SLC6A5: variants seen among roughly 807,000 people sequenced by gnomAD.
The protein encoded by SLC6A5 is sodium- and chloride-dependent glycine transporter 2.
In SLC6A5, 58 loss-of-function variants were observed where a neutral mutation model predicts 90.5. The observed-to-expected ratio is 0.64, with a 90% CI of 0.52 to 0.80. The LOEUF (loss-of-function observed/expected upper bound fraction) is 0.80. Among genes scored for constraint, SLC6A5 ranks in the 30% least tolerant of loss-of-function variants. The probability of loss-of-function intolerance (pLI) is 0.00; values close to 1 mark genes in which losing one functional copy is unlikely to be tolerated. For synonymous variants in SLC6A5, 427 were observed against 401.4 expected (o/e 1.06, Z -0.76); for missense variants, 1,015 against 1,017.6 (o/e 1.00, Z 0.03).
At chr11:20,645,635 GTTTTTTTTTT>G (rs150652189) in intron 13 of SLC6A5, among the ~76,000 whole-genome samples, 1 of 94,712 alleles carries the variant, frequency 1.1e-5, no homozygotes, top group Non-Finnish European at 2.1e-5. Flanking sequence ...ATGATGAAGT[GTTTTTTTTTT>G]TTTTTTTTTT....
chr11:20,637,088 C>T, intron 11 of SLC6A5, 84 bp from the exon 12 acceptor site: 2 of 1,404,966 alleles, frequency 1.4e-6, no homozygotes, highest in Non-Finnish European at 2.0e-6. Flanking sequence ...TACAACTTTC[C>T]TGGATGGGAC....
chr11:20,619,297 C>T (rs746160852), intron 7 of SLC6A5, among the ~76,000 whole-genome samples: 10 of 152,212 alleles, frequency 6.6e-5, no homozygotes, highest in Non-Finnish European at 1.3e-4. Flanking sequence ...ATCCCAGCAT[C>T]TATTAGCCAC....
intron 8 of SLC6A5, among the ~76,000 whole-genome samples, chr11:20,627,225 C>T (rs770912015): frequency 1.3e-5 from 2 of 152,178 alleles, no homozygotes; most frequent in African/African-American, 2.4e-5. Flanking sequence ...AATATTTTTA[C>T]CTGAACCCTT....
At chr11:20,636,803 A>G (rs1853216722) in intron 11 of SLC6A5, among the ~76,000 whole-genome samples, 2 of 152,310 alleles carry the variant, frequency 1.3e-5, no homozygotes, top group South Asian at 4.1e-4. Context: ...ACAGGTGCTC[A>G]GAGTTTAGTC....
chr11:20,654,760 A>G lies in SLC6A5; in HGVS notation c.2286A>G (p.Leu762=). The G allele has an allele frequency of 6.2e-7, 1 of 1,614,122 alleles. No homozygotes were observed. The highest frequency in any genetic ancestry group is 8.5e-7 in the Non-Finnish European group (1 of 1,180,030). The change falls in exon 16 of 16, where the codon TTA becomes TTG. Residue 762 remains leucine, a synonymous_variant. Coordinates refer to ENST00000525748, the MANE Select transcript of SLC6A5 (RefSeq NM_004211.5). The stretch of plus-strand genomic sequence containing the variant: ...CACAGCCGGACTGGGGCCCATTCTT[A>G]GCTCAACACCGCGGGGAGCGTTACA... ...CSPQPDWGPF[L]AQHRGERYKN... is the part of the protein sequence containing the mutation.
intron 1 of SLC6A5, among the ~76,000 whole-genome samples, chr11:20,600,918 T>C (rs551149292): frequency 1.1e-3 from 160 of 152,168 alleles, no homozygotes; most frequent in Non-Finnish European, 1.7e-3. Context: ...AGGGAGGGAA[T>C]ATTAGCTTCT....
At chr11:20,607,226 CT>C (rs1774164743) in intron 4 of SLC6A5, 88 bp downstream of exon 4, 2 of 1,507,864 alleles carry the variant, frequency 1.3e-6, no homozygotes, top group Non-Finnish European at 1.8e-6. Context: ...GGAGACCTGC[CT>C]TTGTGGTTAA....
At chr11:20,633,433 A>G (rs1031821628) in intron 10 of SLC6A5, among the ~76,000 whole-genome samples, 1 of 152,198 alleles carries the variant, frequency 6.6e-6, no homozygotes, top group African/African-American at 2.4e-5. Context: ...GCCCAAAGGC[A>G]CAGAGGTCCA....
Position 20,614,840 on chromosome 11 carries a change from C to T in SLC6A5, c.1127+20C>T, listed in dbSNP as rs769957328. 1 of 1,597,296 alleles carries T rather than the reference C, an allele frequency of 6.3e-7. No individual in the cohort carries two copies. The highest frequency in any genetic ancestry group is 8.6e-7 in the Non-Finnish European group (1 of 1,164,590). ...CTTCAAGTAAGATGACTTTCTTTTT[C>T]CTTTTTTACCTTCTAAGAGAAACAC... On this transcript the variant is annotated intron_variant, in intron 6 of 15. Transcript: ENST00000525748.
chr11:20,611,419 C>T (rs892348325), intron 5 of SLC6A5, among the ~76,000 whole-genome samples: 6 of 152,210 alleles, frequency 3.9e-5, no homozygotes, highest in African/African-American at 1.4e-4. Context: ...TGTGCCACTG[C>T]ACCCTAGCCT....
chr11:20,638,016 A>C (rs1221138846), intron 12 of SLC6A5, among the ~76,000 whole-genome samples: 2 of 152,204 alleles, frequency 1.3e-5, no homozygotes, highest in Admixed American at 1.3e-4. Context: ...GGAGACTTAA[A>C]GATTGAGGTA....
At chr11:20,609,374 G>T (rs190902048) in intron 5 of SLC6A5, among the ~76,000 whole-genome samples, 5 of 151,792 alleles carry the variant, frequency 3.3e-5, no homozygotes, top group Admixed American at 6.6e-5. Flanking sequence ...TGTGTTATCA[G>T]CACATGAGTG....
intron 1 of SLC6A5, among the ~76,000 whole-genome samples, chr11:20,600,804 G>T (rs2241940): frequency 2.0e-5 from 3 of 151,990 alleles, no homozygotes; most frequent in Non-Finnish European, 4.4e-5. Context: ...CTGTGATGTG[G>T]AATCCAAAGA....
At chr11:20,605,508 C>G (rs1013977418) in intron 3 of SLC6A5, among the ~76,000 whole-genome samples, 2 of 152,178 alleles carry the variant, frequency 1.3e-5, no homozygotes, top group Non-Finnish European at 2.9e-5. Context: ...GACCAGGTAC[C>G]GGCCACACGA....
At chr11:20,608,948 C>G (rs61880503) in intron 5 of SLC6A5, among the ~76,000 whole-genome samples, 23,427 of 73,162 alleles carry the variant, frequency 0.32, 2,099 homozygotes, top group Middle Eastern at 0.41. Context: ...CTCTCTCTCT[C>G]TCTCTCTCTC....
Position 20,604,563 on chromosome 11 carries a change from A to ATACC in SLC6A5, c.679+139_679+140insTACC, listed in dbSNP as rs1852541965. 4 of 1,009,256 alleles carry ATACC rather than the reference A, an allele frequency of 4.0e-6. No individual in the cohort carries two copies. The East Asian group carries it at 9.7e-5, about 24-fold the overall frequency. 62.5% of individuals were successfully genotyped at this position (1,009,256 alleles called of 1,614,324 possible). On this transcript the variant is annotated intron_variant, in intron 3 of 15. Coordinates refer to ENST00000525748, the MANE Select transcript of SLC6A5 (RefSeq NM_004211.5). ...CTTAGGCTCCAGCCCTACACCTCGT[A>ATACC]GGCTTGAGTGCATAACCAGAGGGCG...
Position 20,655,253 on chromosome 11 carries a change from C to A in SLC6A5, c.*385C>A. On this transcript the variant is annotated 3_prime_UTR_variant, in exon 16 of 16. Transcript: ENST00000525748. ...AGGCATGTATAGAGTGGCCGAATTA[C>A]AAGACTTTATTTGGACTTGAACAGA... 1 of 323,382 alleles carries A rather than the reference C, an allele frequency of 3.1e-6. No individual in the cohort carries two copies. The highest frequency in any genetic ancestry group is 6.1e-6 in the Non-Finnish European group (1 of 164,186). 20.0% of individuals were successfully genotyped at this position (323,382 alleles called of 1,614,324 possible). A position where few individuals can be genotyped will look rare whatever the true frequency, so the allele number is the denominator to read the frequency against.
At chr11:20,635,455 T>C (rs1380025232) in intron 10 of SLC6A5, among the ~76,000 whole-genome samples, 1 of 152,036 alleles carries the variant, frequency 6.6e-6, no homozygotes, top group African/African-American at 2.4e-5. Context: ...TTTATACCAA[T>C]AGTGCAAGAT....
chr11:20,599,706 A>G lies in SLC6A5; in HGVS notation c.3+31A>G, dbSNP rs757550085. 5 of 1,613,804 alleles carry G rather than the reference A, an allele frequency of 3.1e-6. No individual in the cohort carries two copies. In the Admixed American group the frequency reaches 6.7e-5, roughly 22 times the overall value. ...TGTTTGCTTTTGTTCTTTCAAGAGG[A>G]AAGGGGGCTGAGGGGACAGGGAAAG... On this transcript the variant is annotated intron_variant, in intron 1 of 15. Transcript: ENST00000525748.
Sources: gnomAD v4.1 joint callset for allele counts (sites outside exome capture counted in the v4.1 genomes callset) on GRCh38, gnomAD v4.1.1 for gene constraint, MANE v1.5 for transcripts, NCBI Gene and HGNC (gene_info 2026-07-23, HGNC 2026-07-21) for gene names.